Variants in PCDHGA5 observed in about 807,000 individuals in gnomAD.
The protein encoded by PCDHGA5 is protocadherin gamma subfamily A, 5, also known as protocadherin gamma-A5.
A neutral mutation model predicts 56.7 loss-of-function variants in PCDHGA5; 36 were observed. That is an observed-to-expected ratio of 0.64 (90% CI 0.49 to 0.84). PCDHGA5 has a LOEUF of 0.84. Among genes scored for constraint, PCDHGA5 ranks in the 40% least tolerant of loss-of-function variants. The pLI is 0.00. For missense variants in PCDHGA5, 1,305 were observed against 1,201.5 expected, an observed-to-expected ratio of 1.09 and a Z score of -1.27; for synonymous variants, 563 against 520.2, an observed-to-expected ratio of 1.08 and a Z score of -1.12.
intron 1 of PCDHGA5, chr5:141,371,856 T>C (rs758069791): frequency 1.9e-6 from 3 of 1,613,462 alleles, no homozygotes; most frequent in Admixed American, 3.3e-5. Context: ...TGGCCTTGTC[T>C]CCTACTACAT....
chr5:141,413,012 A>G (rs937468289), intron 1 of PCDHGA5: 10 of 657,718 alleles, frequency 1.5e-5, no homozygotes, highest in Middle Eastern at 4.2e-4. Flanking sequence ...GGCTTCAACT[A>G]CACAAGCCCC....
In PCDHGA5 at chr5:141,430,969, TAGGACGCA is replaced by T. The variant is rs775497521; in HGVS notation, c.2422-63837_2422-63830del. The T allele has an allele frequency of 7.3e-5, 118 of 1,613,012 alleles. 1 individual carries two copies. The Middle Eastern group carries it at 1.8e-3, about 25-fold the overall frequency. On this transcript the variant is annotated intron_variant, in intron 1 of 3. Transcript: ENST00000518069. ...GCGGAGTCCGCATCATCCCCAGAGG[TAGGACGCA>T]GCTTTTCGCCCTGAATCCGCGCAGC...
Position 141,476,876 on chromosome 5 carries a change from C to A in PCDHGA5, c.2422-17931C>A, listed in dbSNP as rs1201654822. 1.2e-6 allele frequency: 2 copies of A among 1,613,994 alleles called. No individual in the cohort carries two copies. Among genetic ancestry groups the A allele is most frequent in the Non-Finnish European group, 1.7e-6 (2 of 1,180,048 alleles). ...CCAGTCCTTGTACCGGGCGCGCGTC[C>A]TGGAGGATGCACCCTCCGGCACGCG... On this transcript the variant is annotated intron_variant, in intron 1 of 3. Transcript: ENST00000518069. The surrounding 1 kb of genome is among the most constrained non-coding windows in gnomAD (Gnocchi z 7.6).
Position 141,476,160 on chromosome 5 carries a change from G to A in PCDHGA5, c.2422-18647G>A, listed in dbSNP as rs781765205. 4.3e-6 allele frequency: 7 copies of A among 1,612,858 alleles called. No homozygotes were observed. The highest frequency in any genetic ancestry group is 5.9e-6 in the Non-Finnish European group (7 of 1,179,926). On this transcript the variant is annotated intron_variant, in intron 1 of 3. Coordinates refer to ENST00000518069, the MANE Select transcript of PCDHGA5 (RefSeq NM_018918.3). This position sits in a 1 kb window ranked among gnomAD's most constrained non-coding sequence, Gnocchi z 7.6. ...AGGAGCGGACTGGTAAGCACCGGGA[G>A]GGTAGTGGGAGTTTTGCTTCTGCTT...
rs373163257 is a variant in PCDHGA5 at position 141,383,286 on chromosome 5, C to A, written c.2421+16535C>A. 1 of 1,613,888 alleles carries A rather than the reference C, an allele frequency of 6.2e-7. No individual in the cohort carries two copies. The highest frequency in any genetic ancestry group is 8.5e-7 in the Non-Finnish European group (1 of 1,179,856). Reference sequence around the variant, plus strand: ...TGGAAATAATAGATATTAATGACAACGTTCCAAGATTCTTGACGGAAGAAA... The same window carrying A: ...TGGAAATAATAGATATTAATGACAAAGTTCCAAGATTCTTGACGGAAGAAA... On this transcript the variant is annotated intron_variant, in intron 1 of 3. Transcript: ENST00000518069.
In PCDHGA5 at chr5:141,485,313, A is replaced by G. The variant is rs758628263; in HGVS notation, c.2422-9494A>G. On this transcript the variant is annotated intron_variant, in intron 1 of 3. Transcript: ENST00000518069. The surrounding 1 kb of genome is among the most constrained non-coding windows in gnomAD (Gnocchi z 5.7). Reference sequence around the variant, plus strand: ...TCACAGGAAGGGACTTTTGTAGGGAATGTCGCTCAAGATTTCCTGCTGGAT... The same window carrying G: ...TCACAGGAAGGGACTTTTGTAGGGAGTGTCGCTCAAGATTTCCTGCTGGAT... 1.2e-6 allele frequency: 2 copies of G among 1,614,186 alleles called. No individual in the cohort carries two copies. Among genetic ancestry groups the G allele is most frequent in the African/African-American group, 1.3e-5 (1 of 75,054 alleles).
rs778067452 is a variant in PCDHGA5, at chr5:141,364,597, G to C, written c.267G>C (p.Arg89Ser). 4.3e-6 allele frequency: 7 copies of C among 1,614,088 alleles called. No individual in the cohort carries two copies. The highest frequency in any genetic ancestry group is 5.1e-6 in the Non-Finnish European group (6 of 1,180,016). ...GCGGCAGCTTGGTCACCGCGGGCAG[G>C]ATAGACCGGGAGGAGCTCTGCGCTC... Reference protein sequence around the residue: ...PRSGSLVTAGRIDREELCAQS... With the variant: ...PRSGSLVTAGSIDREELCAQS... The change falls in exon 1 of 4, where the codon AGG (arginine) becomes AGC (serine). Residue 89 changes from arginine to serine, a missense_variant. Physicochemically the swap from Arg to Ser is moderately radical, Grantham distance 110 (BLOSUM62 -1). Transcript: ENST00000518069.
intron 2 of PCDHGA5, among the ~76,000 whole-genome samples, chr5:141,500,775 T>C (rs1251282826): frequency 6.6e-6 from 1 of 152,218 alleles, no homozygotes; most frequent in Non-Finnish European, 1.5e-5. Context: ...CTTATGAATA[T>C]ACATATTATT....
chr5:141,414,318 G>A (rs1212643655), intron 1 of PCDHGA5: 1 of 1,613,772 alleles, frequency 6.2e-7, no homozygotes, highest in Non-Finnish European at 8.5e-7. Context: ...TAGACTCTGA[G>A]CAGAATGGAC....
In PCDHGA5 at chr5:141,418,429, A is replaced by G. The variant is rs765952024; in HGVS notation, c.2421+51678A>G. ...AGAAAGACAATCCTGATGGTGGCAAATATCCAGAATTAGTATTGCAGAAGA... is the reference window on the plus strand; with the variant it reads ...AGAAAGACAATCCTGATGGTGGCAAGTATCCAGAATTAGTATTGCAGAAGA... On this transcript the variant is annotated intron_variant, in intron 1 of 3. Transcript: ENST00000518069. 8.7e-6 allele frequency: 14 copies of G among 1,613,972 alleles called. No homozygotes were observed. In the South Asian group the frequency reaches 1.5e-4, roughly 18 times the overall value.
chr5:141,400,558 C>A, intron 1 of PCDHGA5: 1 of 1,613,290 alleles, frequency 6.2e-7, no homozygotes, highest in Non-Finnish European at 8.5e-7. Context: ...TTTTTCATTA[C>A]CCACCCAATT....
intron 1 of PCDHGA5, among the ~76,000 whole-genome samples, chr5:141,386,387 C>T (rs1416257552): frequency 6.6e-6 from 1 of 152,092 alleles, no homozygotes; most frequent in Admixed American, 6.5e-5. Context: ...TAATTAAAAA[C>T]ACACTTTTAG....
At chr5:141,372,748 C>G (rs771861396) in intron 1 of PCDHGA5, 13 of 1,613,014 alleles carry the variant, frequency 8.1e-6, no homozygotes, top group East Asian at 2.2e-5. Flanking sequence ...TGTGATGAAG[C>G]CTCTTGGTTT....
At chr5:141,404,015 C>T in intron 1 of PCDHGA5, 1 of 1,613,622 alleles carries the variant, frequency 6.2e-7, no homozygotes. Context: ...TCTGTTTAGC[C>T]CAGTGAGAGA....
At chr5:141,510,349 C>T (rs1461596705) in intron 3 of PCDHGA5, among the ~76,000 whole-genome samples, 1 of 148,468 alleles carries the variant, frequency 6.7e-6, no homozygotes, top group Non-Finnish European at 1.5e-5. Context: ...CACACACTTA[C>T]TAACGGAACT....
chr5:141,415,107 A>T, intron 1 of PCDHGA5: 1 of 1,613,624 alleles, frequency 6.2e-7, no homozygotes, highest in Non-Finnish European at 8.5e-7. Flanking sequence ...CGCTCAAGCA[A>T]AGCCTCGTAG....
At chr5:141,394,871 T>A in intron 1 of PCDHGA5, 1 of 1,613,814 alleles carries the variant, frequency 6.2e-7, no homozygotes, top group Non-Finnish European at 8.5e-7. Flanking sequence ...ACCCGAACGA[T>A]TCGAGCCTTA....
At chr5:141,390,887 T>TGTGA (rs553460991) in intron 1 of PCDHGA5, 1,524 of 151,180 alleles carry the variant, frequency 0.01, 16 homozygotes, top group Non-Finnish European at 0.015. Flanking sequence ...TGTGTGTGTG[T>TGTGA]GAGAGAGATC....
Position 141,430,964 on chromosome 5 carries a change from A to G in PCDHGA5, c.2422-63843A>G, listed in dbSNP as rs547574367. The G allele has an allele frequency of 7.3e-5, 117 of 1,612,860 alleles. No homozygotes were observed. The South Asian group carries it at 1.2e-3, about 17-fold the overall frequency. On this transcript the variant is annotated intron_variant, in intron 1 of 3. Coordinates refer to ENST00000518069, the MANE Select transcript of PCDHGA5 (RefSeq NM_018918.3). The stretch of plus-strand genomic sequence containing the variant: ...GGAGCGCGGAGTCCGCATCATCCCC[A>G]GAGGTAGGACGCAGCTTTTCGCCCT...
Sources: gnomAD v4.1 joint callset for allele counts (sites outside exome capture counted in the v4.1 genomes callset) on GRCh38, gnomAD v4.1.1 for gene constraint, Gnocchi (gnomAD v3.1) non-coding constraint, MANE v1.5 for transcripts, NCBI Gene and HGNC (gene_info 2026-07-23, HGNC 2026-07-21) for gene names.